The following PLEKHG4B variants were observed in gnomAD, a reference collection of about 807,000 sequenced individuals.
PLEKHG4B encodes pleckstrin homology domain-containing family G member 4B.
In PLEKHG4B, 111 loss-of-function variants were observed where a neutral mutation model predicts 121.3. That is an observed-to-expected ratio of 0.92 (90% CI 0.78 to 1.07). The LOEUF (loss-of-function observed/expected upper bound fraction) is 1.07, where lower values mean the gene tolerates loss of function less well. Among genes scored for constraint, PLEKHG4B ranks in the 50% least tolerant of loss-of-function variants. The probability of loss-of-function intolerance (pLI) is 0.00; values close to 1 mark genes in which losing one functional copy is unlikely to be tolerated. For missense variants in PLEKHG4B, 1,831 were observed against 1,757.8 expected (o/e 1.04, Z -0.74); for synonymous variants, 738 against 725.0 (o/e 1.02, Z -0.29).
intron 2 of PLEKHG4B, among the ~76,000 whole-genome samples, chr5:120,335 A>G (rs781773853): frequency 3.3e-5 from 5 of 152,212 alleles, no homozygotes; most frequent in African/African-American, 4.8e-5. Context: ...CTCATCGTCT[A>G]ACAGTCTTAA....
At chr5:124,748 G>A (rs780984934) in intron 2 of PLEKHG4B, among the ~76,000 whole-genome samples, 9 of 152,090 alleles carry the variant, frequency 5.9e-5, no homozygotes, top group Admixed American at 3.3e-4. Flanking sequence ...ATATTTTTCC[G>A]TCTTTTCAGT....
At chr5:140,903 AACCCACTCCCCTGCACACCCC>A in intron 3 of PLEKHG4B, among the ~76,000 whole-genome samples, 187 bp downstream of exon 3, 1 of 33,430 alleles carries the variant, frequency 3.0e-5, no homozygotes, top group African/African-American at 1.3e-4. Context: ...GCTGCACACC[AACCCACTCCCCTGCACACCCC>A]ACCCCCTCCC....
intron 7 of PLEKHG4B, among the ~76,000 whole-genome samples, chr5:153,849 A>G (rs1347805656): frequency 6.6e-6 from 1 of 151,906 alleles, no homozygotes; most frequent in African/African-American, 2.4e-5. Flanking sequence ...AGCACGCTCC[A>G]CTAATTTTTG....
At position 162,861 on chromosome 5, in the gene PLEKHG4B, C is replaced by A; in HGVS notation, c.2789C>A (p.Pro930His). The A allele has an allele frequency of 6.6e-7, 1 of 1,519,340 alleles. No individual in the cohort carries two copies. The highest frequency in any genetic ancestry group is 2.1e-5 in the Admixed American group (1 of 46,938). 94.1% of individuals were successfully genotyped at this position (1,519,340 alleles called of 1,614,324 possible). A position where few individuals can be genotyped will look rare whatever the true frequency, so the allele number is the denominator to read the frequency against. Reference protein sequence around the residue: ...FPGAGVAVLKPHALGKPWASQ... With the variant: ...FPGAGVAVLKHHALGKPWASQ... Reference sequence around the variant, plus strand: ...GGGGCAGGTGTGGCAGTGCTGAAGCCTCATGCCCTGGGGAAACCGTGGGCA... The same window carrying A: ...GGGGCAGGTGTGGCAGTGCTGAAGCATCATGCCCTGGGGAAACCGTGGGCA... The change falls in exon 13 of 20, where the codon CCT becomes CAT. Residue 930 changes from proline to histidine, a missense_variant. Transcript: ENST00000637938.
chr5:164,487 ACTAAT>A, intron 13 of PLEKHG4B, among the ~76,000 whole-genome samples: 1 of 128,324 alleles, frequency 7.8e-6, no homozygotes, highest in Admixed American at 7.3e-5. Flanking sequence ...CAGAGCTCAC[ACTAAT>A]GCTCTGACAG....
chr5:178,915 T>C (rs767857301), intron 18 of PLEKHG4B, among the ~76,000 whole-genome samples: 1 of 152,242 alleles, frequency 6.6e-6, no homozygotes, highest in African/African-American at 2.4e-5. Context: ...TTACTTATAA[T>C]CCATAGTACA....
At chr5:135,705 A>G (rs1734961625) in intron 2 of PLEKHG4B, among the ~76,000 whole-genome samples, 1 of 97,744 alleles carries the variant, frequency 1.0e-5, no homozygotes, top group Non-Finnish European at 2.0e-5. Context: ...ATATATATAT[A>G]TATATATATA....
chr5:153,032 G>A (rs922200549), intron 7 of PLEKHG4B, among the ~76,000 whole-genome samples: 1 of 152,212 alleles, frequency 6.6e-6, no homozygotes, highest in Non-Finnish European at 1.5e-5. Context: ...CCCAGTCTCA[G>A]GTAGTATCTT....
chr5:110,589 C>G (rs1176243011), intron 1 of PLEKHG4B, among the ~76,000 whole-genome samples: 1 of 149,634 alleles, frequency 6.7e-6, no homozygotes, highest in Non-Finnish European at 1.5e-5. Flanking sequence ...CACACATCCA[C>G]ACAATCTGCA....
chr5:174,077 C>A lies in PLEKHG4B; in HGVS notation c.4381C>A (p.Arg1461=). The A allele has an allele frequency of 6.4e-7, 1 of 1,557,080 alleles. No individual in the cohort carries two copies. Among genetic ancestry groups the A allele is most frequent in the African/African-American group, 1.4e-5 (1 of 72,362 alleles). Residue 1461 remains arginine, a synonymous_variant, in exon 18 of 20, where the codon CGG becomes AGG. Coordinates refer to ENST00000637938, the MANE Select transcript of PLEKHG4B (RefSeq NM_052909.5). ...CGATGTCATAGGGAGGATCCTGTGG[C>A]GGCAGGCACTAAAGAGCAGAGGTGG... The part of the protein sequence containing the change: ...WTDVIGRILW[R]QALKSRELRI...
chr5:106,325 T>C (rs1733972710), intron 1 of PLEKHG4B, among the ~76,000 whole-genome samples: 1 of 152,188 alleles, frequency 6.6e-6, no homozygotes, highest in Non-Finnish European at 1.5e-5. Flanking sequence ...GGAGTCTGTC[T>C]CCGGGGGCCT....
Position 171,075 on chromosome 5 carries a change from C to G in PLEKHG4B, c.3762C>G (p.Ser1254Arg). ...EEQFGMYVIY[S>R]KNKPQSDALL... ...AGTTTGGGATGTACGTGATCTACAGCAAAAACAAGCCGCAGTCGGATGCCC... is the reference window on the plus strand; with the variant it reads ...AGTTTGGGATGTACGTGATCTACAGGAAAAACAAGCCGCAGTCGGATGCCC... The change falls in exon 15 of 20, where the codon AGC becomes AGG. Residue 1254 changes from serine (S) to arginine (R), a missense_variant. Transcript: ENST00000637938. The G allele has an allele frequency of 6.2e-7, 1 of 1,613,240 alleles. No homozygotes were observed. The highest frequency in any genetic ancestry group is 8.5e-7 in the Non-Finnish European group (1 of 1,179,846).
intron 12 of PLEKHG4B, among the ~76,000 whole-genome samples, chr5:162,203 A>G (rs1579307249): frequency 6.6e-6 from 1 of 152,260 alleles, no homozygotes; most frequent in East Asian, 1.9e-4. Context: ...TGGCTCAGTT[A>G]GAAAATTCCA....
chr5:140,482 GAGA>G lies in PLEKHG4B; in HGVS notation c.1246_1248del (p.Lys416del), dbSNP rs1279782458. Reference sequence around the variant, plus strand: ...AGACCCCCAACAGACCCCAAGTCTAGAGAAGGAGAGGCACACACCCAGCCGGAC... The same window carrying G: ...AGACCCCCAACAGACCCCAAGTCTAGAGGAGAGGCACACACCCAGCCGGAC... On this transcript the variant is annotated inframe_deletion, in exon 3 of 20. Transcript: ENST00000637938. 2 of 1,594,486 alleles carry G rather than the reference GAGA, an allele frequency of 1.3e-6. No homozygotes were observed. The highest frequency in any genetic ancestry group is 1.1e-5 in the South Asian group (1 of 88,586).
chr5:167,591 C>T (rs1025622324), intron 13 of PLEKHG4B, among the ~76,000 whole-genome samples: 7 of 152,170 alleles, frequency 4.6e-5, no homozygotes, highest in African/African-American at 1.7e-4. Context: ...CCTGGGAAAT[C>T]TCCTTTGAAA....
rs1365752717 is a variant in PLEKHG4B at position 135,683 on chromosome 5, ATATATATATATATATATATATATAT to A, written c.244-3799_244-3775del. Among the ~76,000 whole-genome samples, 27 of 16,122 alleles carry A rather than the reference ATATATATATATATATATATATATAT, an allele frequency of 1.7e-3. 1 individual carries two copies. Among genetic ancestry groups the A allele is most frequent in the African/African-American group, 4.4e-3 (19 of 4,330 alleles). The allele number at this position is 16,122 out of a possible 152,430, so 10.6% of individuals were successfully genotyped here. A position where few individuals can be genotyped will look rare whatever the true frequency, so the allele number is the denominator to read the frequency against. On this transcript the variant is annotated intron_variant, in intron 2 of 19. Transcript: ENST00000637938. ...TCCATCTCAAAAAAAAAAAAAAAAA[ATATATATATATATATATATATATAT>A]ATATATATATATATATATATGTATG... is the stretch of plus-strand genomic sequence containing the variant.
chr5:119,717 C>T (rs534344303), intron 2 of PLEKHG4B, among the ~76,000 whole-genome samples: 18 of 152,300 alleles, frequency 1.2e-4, no homozygotes, highest in Non-Finnish European at 2.5e-4. Context: ...GGGCCAGTCA[C>T]TGAGGCTGGA....
intron 13 of PLEKHG4B, among the ~76,000 whole-genome samples, chr5:165,101 T>C (rs1158763578): frequency 1.3e-5 from 1 of 76,324 alleles, no homozygotes; most frequent in African/African-American, 4.6e-5. Flanking sequence ...CTCACACTAA[T>C]GCTGTGACGG....
chr5:174,582 G>A (rs1444638541), intron 18 of PLEKHG4B, among the ~76,000 whole-genome samples: 2 of 152,190 alleles, frequency 1.3e-5, no homozygotes, highest in Non-Finnish European at 2.9e-5. Flanking sequence ...ACTTCAAAGG[G>A]ATGGGGTCAT....
Sources: gnomAD v4.1 joint callset for allele counts (sites outside exome capture counted in the v4.1 genomes callset) on GRCh38, gnomAD v4.1.1 for gene constraint, MANE v1.5 for transcripts, NCBI Gene and HGNC (gene_info 2026-07-23, HGNC 2026-07-21) for gene names.